The following CLDN10 variants were observed in gnomAD, a reference collection of about 807,000 sequenced individuals.
CLDN10 encodes claudin 10.
A neutral mutation model predicts 22.9 loss-of-function variants in CLDN10; 15 were observed. That is an observed-to-expected ratio of 0.65 (90% CI 0.44 to 1.01). CLDN10 has a LOEUF of 1.01. Among genes scored for constraint, CLDN10 ranks in the 50% least tolerant of loss-of-function variants. The probability of loss-of-function intolerance (pLI) is 0.00; values close to 1 mark genes in which losing one functional copy is unlikely to be tolerated. For synonymous variants in CLDN10, 114 were observed against 111.4 expected (o/e 1.02, Z -0.15); for missense variants, 247 against 287.8 (o/e 0.86, Z 1.03).
chr13:95,558,590 A>G lies in CLDN10; in HGVS notation c.221-1542A>G, dbSNP rs558757816. On this transcript the variant is annotated intron_variant, in intron 1 of 4. Transcript: ENST00000299339. ...CTGTTTGCTCTTCAAAAATGGGTCC[A>G]AGGAATAGGATTAAAACTTCAATTT... Among the ~76,000 whole-genome samples, 4 of 152,310 alleles carry G rather than the reference A, an allele frequency of 2.6e-5. No individual in the cohort carries two copies. The East Asian group carries it at 7.7e-4, about 29-fold the overall frequency.
intron 1 of CLDN10, among the ~76,000 whole-genome samples, chr13:95,545,316 G>A (rs1330293625): frequency 6.6e-6 from 1 of 151,834 alleles, no homozygotes; most frequent in Non-Finnish European, 1.5e-5. Flanking sequence ...GGCCAAGGCA[G>A]GCAGATCACC....
chr13:95,495,613 G>A (rs1248685915), intron 1 of CLDN10, among the ~76,000 whole-genome samples: 7 of 151,270 alleles, frequency 4.6e-5, no homozygotes, highest in Admixed American at 1.3e-4. Flanking sequence ...GCATAGTGGC[G>A]CGCGCCTGTA....
intron 1 of CLDN10, among the ~76,000 whole-genome samples, chr13:95,464,437 T>C (rs988353485): frequency 1.3e-5 from 2 of 152,210 alleles, no homozygotes; most frequent in Admixed American, 6.5e-5. Flanking sequence ...GAACTCATCA[T>C]TTTTTATAGC....
At chr13:95,551,057 G>A (rs2043559744), upstream of CLDN10, among the ~76,000 whole-genome samples, 1 of 152,016 alleles carries the variant, frequency 6.6e-6, no homozygotes, top group East Asian at 1.9e-4. Context: ...GGGGTTCAGA[G>A]CAGAACAGTA....
At chr13:95,434,078 G>A (rs1271058301) in intron 1 of CLDN10, 2 of 1,589,642 alleles carry the variant, frequency 1.3e-6, no homozygotes, top group Non-Finnish European at 8.6e-7. Flanking sequence ...TGGGGTGGAG[G>A]TAAAATGTAC....
chr13:95,440,985 T>C (rs993569805), intron 1 of CLDN10, among the ~76,000 whole-genome samples: 1 of 152,198 alleles, frequency 6.6e-6, no homozygotes, highest in Non-Finnish European at 1.5e-5. Flanking sequence ...TTTTAAGACA[T>C]CCTGTCTTCA....
chr13:95,578,706 C>A lies in CLDN10; in HGVS notation c.*692C>A, dbSNP rs933779910. 5 of 152,156 alleles carry A rather than the reference C, an allele frequency of 3.3e-5. No individual in the cohort carries two copies. Among genetic ancestry groups the A allele is most frequent in the Non-Finnish European group, 7.3e-5 (5 of 68,030 alleles). 9.4% of individuals were successfully genotyped at this position (152,156 alleles called of 1,614,324 possible). On this transcript the variant is annotated 3_prime_UTR_variant, in exon 5 of 5. Coordinates refer to ENST00000299339, the MANE Select transcript of CLDN10 (RefSeq NM_006984.5). ...TTGATGTATGCAGAGAGTTACGTAG[C>A]AGGGGATGTTCTCTGATTTATTCCA...
At chr13:95,442,425 T>C (rs1447958648) in intron 1 of CLDN10, among the ~76,000 whole-genome samples, 1 of 152,204 alleles carries the variant, frequency 6.6e-6, no homozygotes, top group African/African-American at 2.4e-5. Flanking sequence ...ATGTAAAGGA[T>C]ATTGTGCTCA....
Position 95,462,945 on chromosome 13 carries a change from A to C in CLDN10, c.214+28898A>C, listed in dbSNP as rs566807059. 3.3e-5 allele frequency among the ~76,000 whole-genome samples: 5 copies of C among 152,204 alleles called. No individual in the cohort carries two copies. The South Asian group carries it at 1.0e-3, about 32-fold the overall frequency. ...TCAGGGATACAAAAGAGTAATGCCT[A>C]ATTTATGCCTTGTTCCCCTAATCAG... On this transcript the variant is annotated intron_variant, in intron 1 of 4. Transcript: ENST00000376873.
chr13:95,491,336 T>C (rs533248841), intron 1 of CLDN10, among the ~76,000 whole-genome samples: 1 of 152,162 alleles, frequency 6.6e-6, no homozygotes, highest in African/African-American at 2.4e-5. Flanking sequence ...CCCAGACTTC[T>C]TGGAGGCTTT....
At chr13:95,513,880 T>C (rs2043132975) in intron 1 of CLDN10, among the ~76,000 whole-genome samples, 1 of 152,178 alleles carries the variant, frequency 6.6e-6, no homozygotes, top group Non-Finnish European at 1.5e-5. Flanking sequence ...AAATAAGCAG[T>C]GCTATATGAT....
chr13:95,477,178 G>A lies in CLDN10; in HGVS notation c.214+43131G>A, dbSNP rs117410641. Among the ~76,000 whole-genome samples the A allele has an allele frequency of 2.9e-3, 436 of 152,280 alleles. 6 individuals carry two copies. Among genetic ancestry groups the A allele is most frequent in the South Asian group, 0.026 (125 of 4,816 alleles). On this transcript the variant is annotated intron_variant, in intron 1 of 4. Transcript: ENST00000376873. ...CACGCCACGCCATGCAGGGACACCC[G>A]GGGCAGCACGAGGGCTGGTCAAGAG...
chr13:95,538,286 C>T (rs1391213584), intron 1 of CLDN10, among the ~76,000 whole-genome samples: 1 of 151,270 alleles, frequency 6.6e-6, no homozygotes, highest in Non-Finnish European at 1.5e-5. Flanking sequence ...TACAGGCGCC[C>T]ACCACCACGC....
chr13:95,495,537 G>A (rs1426342633), intron 1 of CLDN10, among the ~76,000 whole-genome samples: 2 of 151,350 alleles, frequency 1.3e-5, no homozygotes, highest in East Asian at 4.0e-4. Flanking sequence ...GAGGTCAGGA[G>A]ATCGAGGCCA....
At chr13:95,439,945 G>T (rs149729769) in intron 1 of CLDN10, among the ~76,000 whole-genome samples, 9 of 149,102 alleles carry the variant, frequency 6.0e-5, no homozygotes, top group East Asian at 3.9e-4. Context: ...ACAAAGTCTC[G>T]CTCTGTTGCC....
At chr13:95,476,253 C>T (rs2042685179) in intron 1 of CLDN10, among the ~76,000 whole-genome samples, 1 of 152,158 alleles carries the variant, frequency 6.6e-6, no homozygotes, top group South Asian at 2.1e-4. Flanking sequence ...GCTGCTATAA[C>T]AAAATGCCTT....
chr13:95,550,142 A>G (rs962589027), upstream of CLDN10, among the ~76,000 whole-genome samples: 1 of 152,214 alleles, frequency 6.6e-6, no homozygotes. Context: ...CAGAGAGAAG[A>G]GTGTTCCAAG....
intron 1 of CLDN10, among the ~76,000 whole-genome samples, chr13:95,547,473 C>T (rs1376739844): frequency 6.6e-6 from 1 of 152,130 alleles, no homozygotes; most frequent in Admixed American, 6.5e-5. Context: ...TTTAAAGAGA[C>T]ACAAGGAAAT....
At position 95,560,180 on chromosome 13, in the gene CLDN10, G is replaced by A. The variant is rs140177098; in HGVS notation, c.269G>A (p.Gly90Asp). The A allele has an allele frequency of 7.4e-6, 12 of 1,614,036 alleles. No homozygotes were observed. The highest frequency in any genetic ancestry group is 1.0e-5 in the Non-Finnish European group (12 of 1,180,008). ...CTTATGATCGCTGCTGTCAGCCTGG[G>A]CTTCTTTGGTTCCATATTTGCGCTC... ...RGLMIAAVSL[G>D]FFGSIFALFG... is the part of the protein sequence containing the mutation. Residue 90 changes from glycine to aspartate, a missense_variant, in exon 2 of 5, where the codon GGC (glycine) becomes GAC (aspartate). By Grantham distance (94) the Gly-to-Asp change is moderately conservative. Transcript: ENST00000299339.
Sources: gnomAD v4.1 joint callset for allele counts (sites outside exome capture counted in the v4.1 genomes callset) on GRCh38, gnomAD v4.1.1 for gene constraint, MANE v1.5 for transcripts, NCBI Gene and HGNC (gene_info 2026-07-23, HGNC 2026-07-21) for gene names.